ADAM18: variants seen among roughly 807,000 people sequenced by gnomAD.
ADAM18 encodes the protein disintegrin and metalloproteinase domain-containing protein 18.
ADAM18 carries 117 observed loss-of-function variants against 94.4 expected under a neutral mutation model. The observed-to-expected ratio is 1.24, with a 90% CI of 1.07 to 1.45. The LOEUF is 1.45. Ranked by LOEUF, ADAM18 falls within the 40% of genes most tolerant of loss-of-function variation. ADAM18 has a pLI of 0.00. For synonymous variants in ADAM18, 327 were observed against 291.6 expected, an observed-to-expected ratio of 1.12 and a Z score of -1.24; for missense variants, 936 against 880.0, an observed-to-expected ratio of 1.06 and a Z score of -0.81.
chr8:39,694,440 T>A (rs1682715726), intron 17 of ADAM18, among the ~76,000 whole-genome samples: 4 of 151,440 alleles, frequency 2.6e-5, no homozygotes, highest in African/African-American at 9.7e-5. Flanking sequence ...AACCATGACC[T>A]GTTTTTAGTT....
chr8:39,729,153 C>T (rs1823003583), intron 19 of ADAM18, among the ~76,000 whole-genome samples: 1 of 151,996 alleles, frequency 6.6e-6, no homozygotes, highest in East Asian at 1.9e-4. Flanking sequence ...TGTTTGTGGG[C>T]CACAGAGGAT....
At chr8:39,596,567 T>G (rs1310909232) in intron 2 of ADAM18, among the ~76,000 whole-genome samples, 1 of 152,248 alleles carries the variant, frequency 6.6e-6, no homozygotes, top group African/African-American at 2.4e-5. Context: ...TTTATTTATG[T>G]ATACCTACTG....
At chr8:39,615,962 G>A (rs1819426862) in intron 6 of ADAM18, among the ~76,000 whole-genome samples, 1 of 151,910 alleles carries the variant, frequency 6.6e-6, no homozygotes, top group Non-Finnish European at 1.5e-5. Flanking sequence ...ATTCACATTA[G>A]CCACAAAAAA....
chr8:39,612,509 A>G (rs1056806135), intron 6 of ADAM18, among the ~76,000 whole-genome samples: 3 of 152,142 alleles, frequency 2.0e-5, no homozygotes, highest in African/African-American at 7.2e-5. Context: ...TGGCAGGGAC[A>G]GGACCCCAGC....
intron 2 of ADAM18, among the ~76,000 whole-genome samples, chr8:39,600,542 C>T (rs562875479): frequency 1.3e-5 from 2 of 152,232 alleles, no homozygotes; most frequent in South Asian, 4.1e-4. Context: ...TAAATTATTT[C>T]AAGTTGATTG....
chr8:39,657,886 A>G (rs184000604), intron 12 of ADAM18, among the ~76,000 whole-genome samples: 1 of 152,354 alleles, frequency 6.6e-6, no homozygotes, highest in Admixed American at 6.5e-5. Context: ...TAAATATTAA[A>G]AATATAATGA....
chr8:39,664,054 A>G (rs1463355394), intron 13 of ADAM18, among the ~76,000 whole-genome samples, 164 bp downstream of exon 13: 1 of 152,244 alleles, frequency 6.6e-6, no homozygotes, highest in Non-Finnish European at 1.5e-5. Context: ...GCTATAAAAT[A>G]TAAAAGTCAT....
rs187984097 is a variant in ADAM18, at chr8:39,708,069, G to A, written c.2017+1165G>A. On this transcript the variant is annotated intron_variant, in intron 18 of 19. Coordinates refer to ENST00000265707, the MANE Select transcript of ADAM18 (RefSeq NM_014237.3). Reference sequence around the variant, plus strand: ...GGACTTGGGAATGATTCAGGTCCTGGGTGAGACAGAAAGGAATGATGGGAG... The same window carrying A: ...GGACTTGGGAATGATTCAGGTCCTGAGTGAGACAGAAAGGAATGATGGGAG... 5.5e-4 allele frequency among the ~76,000 whole-genome samples: 83 copies of A among 152,244 alleles called. 2 individuals carry two copies. Among genetic ancestry groups the A allele is most frequent in the Admixed American group, 5.2e-3 (79 of 15,290 alleles).
chr8:39,723,730 C>T lies in ADAM18; in HGVS notation c.2018-18C>T. ...ATCCACTGAGTCCCCACTAATTTAT[C>T]ATATGATTCATTTCTAGGTGACTTT... On this transcript the variant is annotated intron_variant, in intron 18 of 19. Coordinates refer to ENST00000265707, the MANE Select transcript of ADAM18 (RefSeq NM_014237.3). 1 of 1,433,946 alleles carries T rather than the reference C, an allele frequency of 7.0e-7. No individual in the cohort carries two copies. Among genetic ancestry groups the T allele is most frequent in the Non-Finnish European group, 9.2e-7 (1 of 1,085,082 alleles). 88.8% of individuals were successfully genotyped at this position (1,433,946 alleles called of 1,614,324 possible). A position where few individuals can be genotyped will look rare whatever the true frequency, so the allele number is the denominator to read the frequency against.
Position 39,676,399 on chromosome 8 carries a change from C to T in ADAM18, c.1526-1032C>T, listed in dbSNP as rs369505587. 4.8e-4 allele frequency among the ~76,000 whole-genome samples: 73 copies of T among 152,340 alleles called. 3 individuals are homozygous for T. The East Asian group carries it at 6.4e-3, about 13-fold the overall frequency. On this transcript the variant is annotated intron_variant, in intron 14 of 19. Coordinates refer to ENST00000265707, the MANE Select transcript of ADAM18 (RefSeq NM_014237.3). ...AGGCTGCCACCTTGCAGATTGATCT[C>T]AGACTGCTGCGCTAGCAGTGAGCAA... is the stretch of plus-strand genomic sequence containing the variant.
chr8:39,680,264 A>T (rs750057933), intron 16 of ADAM18, 38 bp downstream of exon 16: 124 of 1,556,212 alleles, frequency 8.0e-5, no homozygotes, highest in Non-Finnish European at 8.3e-5. Flanking sequence ...GCTGTGTTAA[A>T]TTATGTGAAT....
chr8:39,719,429 A>G (rs898234745), intron 18 of ADAM18, among the ~76,000 whole-genome samples: 1 of 151,352 alleles, frequency 6.6e-6, no homozygotes, highest in African/African-American at 2.4e-5. Context: ...TAGATATGAC[A>G]CCAAAAATAT....
At chr8:39,629,120 TATG>T (rs1481085067) in intron 6 of ADAM18, among the ~76,000 whole-genome samples, 1 of 152,028 alleles carries the variant, frequency 6.6e-6, no homozygotes, top group Non-Finnish European at 1.5e-5. Context: ...GGTGTATTTT[TATG>T]TTTATGTTTT....
chr8:39,701,421 C>A (rs1822075873), intron 17 of ADAM18, among the ~76,000 whole-genome samples: 1 of 151,690 alleles, frequency 6.6e-6, no homozygotes, highest in Admixed American at 6.6e-5. Flanking sequence ...CTCTTTATTT[C>A]TTATATTTCA....
At chr8:39,717,938 G>A (rs952984775) in intron 18 of ADAM18, among the ~76,000 whole-genome samples, 1 of 151,452 alleles carries the variant, frequency 6.6e-6, no homozygotes, top group African/African-American at 2.4e-5. Flanking sequence ...AGTAGACATT[G>A]CTTCAAGAAA....
intron 6 of ADAM18, among the ~76,000 whole-genome samples, chr8:39,625,765 C>G (rs1819751000): frequency 6.6e-6 from 1 of 151,776 alleles, no homozygotes. Flanking sequence ...GATTTTATTG[C>G]TTTTTTCAGC....
intron 6 of ADAM18, among the ~76,000 whole-genome samples, chr8:39,624,264 G>C (rs1382671532): frequency 6.6e-6 from 1 of 152,160 alleles, no homozygotes; most frequent in African/African-American, 2.4e-5. Flanking sequence ...CTTTCTTCTA[G>C]AATTTTTATG....
At chr8:39,617,775 G>A (rs1819487232) in intron 6 of ADAM18, among the ~76,000 whole-genome samples, 2 of 152,204 alleles carry the variant, frequency 1.3e-5, no homozygotes, top group African/African-American at 4.8e-5. Context: ...CTGATAAGTG[G>A]GAGGTAAACA....
chr8:39,694,264 T>C (rs1177701144), intron 17 of ADAM18, among the ~76,000 whole-genome samples: 2 of 151,356 alleles, frequency 1.3e-5, no homozygotes, highest in Admixed American at 6.6e-5. Flanking sequence ...AATTATTCTT[T>C]TATTTCTAGT....
Sources: gnomAD v4.1 joint callset for allele counts (sites outside exome capture counted in the v4.1 genomes callset) on GRCh38, gnomAD v4.1.1 for gene constraint, MANE v1.5 for transcripts, NCBI Gene and HGNC (gene_info 2026-07-23, HGNC 2026-07-21) for gene names.